KYNU: variants seen among roughly 807,000 people sequenced by gnomAD.
KYNU encodes the protein L-kynurenine hydrolase.
KYNU carries 54 observed loss-of-function variants against 59.2 expected under a neutral mutation model. The observed-to-expected ratio is 0.91, with a 90% CI of 0.73 to 1.14. KYNU has a LOEUF of 1.14. Among genes scored for constraint, KYNU ranks in the 50% most tolerant of loss-of-function variants. KYNU has a pLI of 0.00. For synonymous variants in KYNU, 177 were observed against 192.0 expected (o/e 0.92, Z 0.65); for missense variants, 567 against 554.4 (o/e 1.02, Z -0.23).
chr2:142,922,823 T>C (rs754729872), intron 3 of KYNU, among the ~76,000 whole-genome samples: 8 of 152,216 alleles, frequency 5.3e-5, no homozygotes, highest in Non-Finnish European at 1.2e-4. Context: ...TTAGGATCTG[T>C]CTTGGTTTGT....
intron 4 of KYNU, chr2:142,947,122 C>A: frequency 5.8e-6 from 9 of 1,551,086 alleles, no homozygotes; most frequent in African/African-American, 1.4e-5. Flanking sequence ...CCCTTACAGA[C>A]CCCCAACACA....
At chr2:142,892,330 C>T (rs1681742968) in intron 2 of KYNU, among the ~76,000 whole-genome samples, 1 of 152,176 alleles carries the variant, frequency 6.6e-6, no homozygotes, top group South Asian at 2.1e-4. Context: ...TCTTCTTTCT[C>T]TGTGAATGTG....
intron 8 of KYNU, among the ~76,000 whole-genome samples, chr2:142,977,372 G>GATATAT (rs70997538): frequency 3.4e-4 from 45 of 131,148 alleles, no homozygotes; most frequent in Admixed American, 3.0e-4. Flanking sequence ...ATTTTGTGTG[G>GATATAT]ATATATATAT....
In KYNU at chr2:143,055,634, G is replaced by A. The variant is rs1687339831; in HGVS notation, c.*13462G>A. 1.5e-5 allele frequency: 1 copy of A among 67,258 alleles called. No homozygotes were observed. Among genetic ancestry groups the A allele is most frequent in the Admixed American group, 1.3e-4 (1 of 7,522 alleles). 4.2% of individuals were successfully genotyped at this position (67,258 alleles called of 1,614,324 possible). On this transcript the variant is annotated 3_prime_UTR_variant, in exon 14 of 14. Coordinates refer to ENST00000264170, the MANE Select transcript of KYNU (RefSeq NM_003937.3). Reference sequence around the variant, plus strand: ...GAGGGTCATTAGTCATCTTACCACAGGAAGGAAGGAAGGAAGGAAGGAAGG... The same window carrying A: ...GAGGGTCATTAGTCATCTTACCACAAGAAGGAAGGAAGGAAGGAAGGAAGG...
intron 4 of KYNU, among the ~76,000 whole-genome samples, chr2:142,941,930 A>G (rs1354493661): frequency 1.3e-5 from 2 of 152,178 alleles, no homozygotes; most frequent in East Asian, 3.8e-4. Flanking sequence ...ACACTTTGGG[A>G]AGGTAAGGAA....
At chr2:142,924,896 A>G (rs1463549820) in intron 3 of KYNU, among the ~76,000 whole-genome samples, 1 of 152,214 alleles carries the variant, frequency 6.6e-6, no homozygotes, top group African/African-American at 2.4e-5. Flanking sequence ...TTTGGGTAAC[A>G]CTTTCTAAAT....
At chr2:143,021,893 T>C (rs1234092953) in intron 10 of KYNU, among the ~76,000 whole-genome samples, 2 of 152,214 alleles carry the variant, frequency 1.3e-5, no homozygotes, top group Non-Finnish European at 2.9e-5. Context: ...TATTGAATAT[T>C]GTTCAAGTAT....
At chr2:143,032,330 A>G (rs1686775663) in intron 11 of KYNU, among the ~76,000 whole-genome samples, 1 of 152,244 alleles carries the variant, frequency 6.6e-6, no homozygotes, top group East Asian at 1.9e-4. Context: ...TGTTTTTAAA[A>G]CCATCAGATC....
At chr2:142,918,218 G>C (rs1359517298) in intron 2 of KYNU, among the ~76,000 whole-genome samples, 1 of 152,096 alleles carries the variant, frequency 6.6e-6, no homozygotes, top group Non-Finnish European at 1.5e-5. Flanking sequence ...ACACAAATTA[G>C]TACCGTGTTA....
chr2:142,878,047 C>T (rs762949969), intron 1 of KYNU, among the ~76,000 whole-genome samples: 6 of 151,912 alleles, frequency 3.9e-5, no homozygotes, highest in South Asian at 2.1e-4. Context: ...TGAGTTTAAG[C>T]GGTAAGATTA....
chr2:142,983,562 TA>T (rs368979436), intron 8 of KYNU, among the ~76,000 whole-genome samples: 15 of 152,112 alleles, frequency 9.9e-5, no homozygotes, highest in African/African-American at 3.1e-4. Context: ...GATTAAATGC[TA>T]AACAAGAAAA....
At chr2:142,927,828 T>C (rs1269639056) in intron 4 of KYNU, 87 bp downstream of exon 4, 1 of 912,962 alleles carries the variant, frequency 1.1e-6, no homozygotes, top group Non-Finnish European at 1.8e-6. Flanking sequence ...AGTCAAAATC[T>C]TATTGAAGAA....
intron 6 of KYNU, 147 bp from the exon 7 acceptor site, chr2:142,957,494 T>C: frequency 3.2e-6 from 2 of 615,706 alleles, no homozygotes; most frequent in Admixed American, 2.7e-5. Context: ...GTGGTTCTTC[T>C]CTGTTGTGTA....
intron 10 of KYNU, among the ~76,000 whole-genome samples, chr2:143,015,229 A>C (rs976388250): frequency 5.3e-5 from 8 of 152,206 alleles, no homozygotes; most frequent in Non-Finnish European, 7.3e-5. Context: ...GCTAAATATT[A>C]AGTGTGTGCC....
At position 143,009,831 on chromosome 2, in the gene KYNU, G is replaced by A. The variant is rs1156657418; in HGVS notation, c.903-19796G>A. Among the ~76,000 whole-genome samples the A allele has an allele frequency of 9.1e-5, 11 of 121,176 alleles. 1 individual carries two copies. The highest frequency in any genetic ancestry group is 1.8e-4 in the Non-Finnish European group (11 of 61,002). The allele number at this position is 121,176 out of a possible 152,430, so 79.5% of individuals were successfully genotyped here. ...AAACCACATGATTATCTCAATAGAT[G>A]CCGAAAAAGCCTTTGACAAAATTCA... On this transcript the variant is annotated intron_variant, in intron 10 of 13. Transcript: ENST00000264170.
At chr2:142,927,908 C>T (rs1683095541) in intron 4 of KYNU, among the ~76,000 whole-genome samples, 167 bp downstream of exon 4, 1 of 151,850 alleles carries the variant, frequency 6.6e-6, no homozygotes. Flanking sequence ...TTTGTTAACT[C>T]AAAGATTGCT....
At chr2:142,922,032 T>C (rs1344438201) in intron 3 of KYNU, among the ~76,000 whole-genome samples, 1 of 152,168 alleles carries the variant, frequency 6.6e-6, no homozygotes, top group Non-Finnish European at 1.5e-5. Flanking sequence ...TTTGCCTCCC[T>C]CTATGCCACT....
intron 8 of KYNU, among the ~76,000 whole-genome samples, chr2:142,983,034 CTTG>C (rs763242268): frequency 3.4e-4 from 51 of 152,110 alleles, no homozygotes; most frequent in Non-Finnish European, 6.8e-4. Context: ...CATCTTGAAA[CTTG>C]TTGTCTTAAA....
chr2:143,014,595 A>C (rs1686201495), intron 10 of KYNU, among the ~76,000 whole-genome samples: 1 of 152,362 alleles, frequency 6.6e-6, no homozygotes, highest in East Asian at 1.9e-4. Flanking sequence ...GCTAAAAATT[A>C]GAATTTTTGT....
Sources: allele counts gnomAD v4.1 joint callset (sites outside exome capture counted in the v4.1 genomes callset), GRCh38; gene constraint gnomAD v4.1.1; transcripts MANE v1.5; gene names NCBI Gene and HGNC (gene_info 2026-07-23, HGNC 2026-07-21).